The following LRMDA variants were observed in gnomAD, a reference collection of about 807,000 sequenced individuals.
The protein encoded by LRMDA is leucine rich melanocyte differentiation associated, also known as leucine-rich melanocyte differentiation-associated protein.
Under a neutral mutation model 29.8 loss-of-function variants are expected in LRMDA, and 18 were observed. The observed-to-expected ratio is 0.60, with a 90% CI of 0.42 to 0.90. The LOEUF (loss-of-function observed/expected upper bound fraction) is 0.90. LRMDA is among the 40% of genes least tolerant of loss of function. LRMDA has a pLI of 0.00. For missense variants in LRMDA, 273 were observed against 273.9 expected, an observed-to-expected ratio of 1.00 and a Z score of 0.02; for synonymous variants, 125 against 109.4, an observed-to-expected ratio of 1.14 and a Z score of -0.89.
chr10:76,102,922 G>A (rs2132104157), intron 5 of LRMDA, among the ~76,000 whole-genome samples: 1 of 152,318 alleles, frequency 6.6e-6, no homozygotes, highest in South Asian at 2.1e-4. Context: ...AGATTGCTGG[G>A]ATTAGATGTG....
At chr10:75,791,488 C>T (rs545185604) in intron 2 of LRMDA, among the ~76,000 whole-genome samples, 4 of 152,284 alleles carry the variant, frequency 2.6e-5, no homozygotes, top group South Asian at 2.1e-4. Flanking sequence ...AGCACAATGC[C>T]ATCTTCCATA....
At chr10:76,408,087 G>A (rs1841921344) in intron 6 of LRMDA, among the ~76,000 whole-genome samples, 1 of 152,124 alleles carries the variant, frequency 6.6e-6, no homozygotes, top group South Asian at 2.1e-4. Context: ...ATTATATTCA[G>A]CACCTGTAAG....
chr10:76,233,886 T>C (rs2132275591), intron 5 of LRMDA, among the ~76,000 whole-genome samples: 1 of 152,320 alleles, frequency 6.6e-6, no homozygotes. Context: ...ACTGAAGTCT[T>C]GAGCCCCTCA....
At position 76,328,402 on chromosome 10, in the gene LRMDA, C is replaced by T. The variant is rs140473423; in HGVS notation, c.601+3917C>T. On this transcript the variant is annotated intron_variant, in intron 6 of 6. Transcript: ENST00000611255. ...GTAAACTATATCATCCTCAGGGTAA[C>T]CCTGTAAAGTGAGGAGTGCAAATAT... Among the ~76,000 whole-genome samples, 348 of 152,268 alleles carry T rather than the reference C, an allele frequency of 2.3e-3. 2 individuals carry two copies. Among genetic ancestry groups the T allele is most frequent in the Admixed American group, 6.7e-3 (103 of 15,296 alleles).
At chr10:76,283,817 G>A (rs574543903) in intron 5 of LRMDA, among the ~76,000 whole-genome samples, 1 of 152,120 alleles carries the variant, frequency 6.6e-6, no homozygotes, top group Non-Finnish European at 1.5e-5. Context: ...CTTTGCCACT[G>A]TGTTTCACTG....
chr10:75,851,156 G>A (rs1005601506), intron 2 of LRMDA, among the ~76,000 whole-genome samples: 2 of 152,210 alleles, frequency 1.3e-5, no homozygotes, highest in South Asian at 4.1e-4. Flanking sequence ...ATATTAAAAT[G>A]ACTTCAAAAT....
At chr10:76,145,623 G>A (rs1312533770) in intron 5 of LRMDA, among the ~76,000 whole-genome samples, 1 of 151,928 alleles carries the variant, frequency 6.6e-6, no homozygotes, top group African/African-American at 2.4e-5. Context: ...CAGTTTTGTT[G>A]ATCTTTTCGA....
intron 6 of LRMDA, among the ~76,000 whole-genome samples, chr10:76,533,558 A>G (rs1843258201): frequency 6.6e-6 from 1 of 152,140 alleles, no homozygotes; most frequent in Non-Finnish European, 1.5e-5. Flanking sequence ...TAATTAATTA[A>G]CGGAGGCTCT....
intron 2 of LRMDA, among the ~76,000 whole-genome samples, chr10:75,753,321 GA>G (rs1247743344): frequency 6.6e-6 from 1 of 152,196 alleles, no homozygotes; most frequent in Non-Finnish European, 1.5e-5. Flanking sequence ...AATTAGAGGA[GA>G]CAGGTGATAG....
chr10:76,323,051 T>A (rs967235635), intron 5 of LRMDA, among the ~76,000 whole-genome samples: 10 of 152,178 alleles, frequency 6.6e-5, no homozygotes, highest in Non-Finnish European at 1.3e-4. Context: ...AAACACGTTT[T>A]TCTTGGTGGT....
At chr10:76,058,400 C>CGT (rs112855859) in intron 4 of LRMDA, among the ~76,000 whole-genome samples, 93 of 151,816 alleles carry the variant, frequency 6.1e-4, no homozygotes, top group East Asian at 3.1e-3. Context: ...GGCTAACCCA[C>CGT]GTGTGTGTGT....
At chr10:75,836,431 T>C (rs1474887595) in intron 2 of LRMDA, among the ~76,000 whole-genome samples, 1 of 152,220 alleles carries the variant, frequency 6.6e-6, no homozygotes, top group African/African-American at 2.4e-5. Flanking sequence ...GTTTTTCAGC[T>C]TGTCCTCTGG....
intron 5 of LRMDA, among the ~76,000 whole-genome samples, chr10:76,141,802 C>T (rs1315690841): frequency 1.3e-5 from 2 of 152,030 alleles, no homozygotes; most frequent in African/African-American, 4.8e-5. Context: ...TAGAGTTTTA[C>T]CTGTACCTTT....
chr10:76,057,173 T>A (rs1324042013), intron 4 of LRMDA, among the ~76,000 whole-genome samples: 3 of 152,218 alleles, frequency 2.0e-5, no homozygotes, highest in Non-Finnish European at 4.4e-5. Flanking sequence ...CATTGAGTTT[T>A]CAGTCAGTAG....
intron 2 of LRMDA, among the ~76,000 whole-genome samples, chr10:75,441,038 A>AAAAGAAAG (rs1282548146): frequency 6.6e-6 from 1 of 152,142 alleles, no homozygotes; most frequent in Non-Finnish European, 1.5e-5. Context: ...ACTGTCTCAA[A>AAAAGAAAG]AAAGAAAGAA....
chr10:75,494,683 T>G (rs1363093403), intron 2 of LRMDA, among the ~76,000 whole-genome samples: 2 of 152,084 alleles, frequency 1.3e-5, no homozygotes, highest in African/African-American at 4.8e-5. Context: ...GTATTTTTAG[T>G]AGAGATGGGG....
At chr10:76,401,100 C>T (rs1288462548) in intron 6 of LRMDA, among the ~76,000 whole-genome samples, 1 of 152,100 alleles carries the variant, frequency 6.6e-6, no homozygotes. Context: ...TGCTAGGCTG[C>T]AAATTATATG....
chr10:75,643,412 C>T (rs2132121142), intron 2 of LRMDA, among the ~76,000 whole-genome samples: 1 of 152,292 alleles, frequency 6.6e-6, no homozygotes, highest in East Asian at 1.9e-4. Context: ...GCTCCAAGCG[C>T]AAGTGTTCCG....
chr10:75,847,687 TGAATA>T (rs1414188079), intron 2 of LRMDA, among the ~76,000 whole-genome samples: 3 of 152,102 alleles, frequency 2.0e-5, no homozygotes, highest in Admixed American at 6.5e-5. Context: ...GTGAAGGACA[TGAATA>T]GAAGTTCTCC....
Sources: gnomAD v4.1 joint callset for allele counts (sites outside exome capture counted in the v4.1 genomes callset) on GRCh38, gnomAD v4.1.1 for gene constraint, MANE v1.5 for transcripts, NCBI Gene and HGNC (gene_info 2026-07-23, HGNC 2026-07-21) for gene names.